The following CDH2 variants were observed in gnomAD, a reference collection of about 807,000 sequenced individuals.
CDH2 encodes the protein cadherin 2.
In CDH2, 17 loss-of-function variants were observed where a neutral mutation model predicts 92.0. The ratio of observed to expected loss-of-function variants is 0.18; its 90% CI spans 0.13 to 0.28. CDH2 has a LOEUF of 0.28. Ranked by LOEUF, CDH2 falls within the 10% of genes least tolerant of loss-of-function variation. The pLI, the probability that CDH2 is intolerant of heterozygous loss-of-function variation, is 1.00. For synonymous variants in CDH2, 419 were observed against 415.9 expected, an observed-to-expected ratio of 1.01 and a Z score of -0.09; for missense variants, 862 against 1,133.1, an observed-to-expected ratio of 0.76 and a Z score of 3.44.
At chr18:28,012,173 G>A (rs1234478379) in intron 3 of CDH2, among the ~76,000 whole-genome samples, 181 bp from the exon 4 acceptor site, 1 of 151,942 alleles carries the variant, frequency 6.6e-6, no homozygotes, top group Non-Finnish European at 1.5e-5. Context: ...AAAATTTTTG[G>A]GTTATACTGT....
intron 2 of CDH2, 81 bp from the exon 3 acceptor site, chr18:28,013,990 C>A (rs1246066868): frequency 4.5e-6 from 4 of 897,792 alleles, no homozygotes; most frequent in Admixed American, 2.4e-5. Context: ...AAACCTATAT[C>A]CTGCTTAGGT....
chr18:27,983,384 T>C (rs1240057597), intron 13 of CDH2, among the ~76,000 whole-genome samples: 2 of 152,218 alleles, frequency 1.3e-5, no homozygotes, highest in Admixed American at 6.5e-5. Flanking sequence ...TAACTTTTTC[T>C]ATCTTCCCTT....
intron 2 of CDH2, among the ~76,000 whole-genome samples, chr18:28,147,393 A>T (rs2016052051): frequency 6.6e-6 from 1 of 152,152 alleles, no homozygotes; most frequent in African/African-American, 2.4e-5. Flanking sequence ...AATAAAATGT[A>T]TACACAAAAA....
chr18:27,984,916 T>G, intron 13 of CDH2, 84 bp downstream of exon 13: 1 of 1,025,646 alleles, frequency 9.7e-7, no homozygotes, highest in Non-Finnish European at 1.5e-6. Flanking sequence ...TAGACTACTT[T>G]GCCAGGCAAT....
intron 2 of CDH2, among the ~76,000 whole-genome samples, chr18:28,094,316 G>GT (rs1490323378): frequency 2.6e-5 from 4 of 151,804 alleles, no homozygotes; most frequent in Non-Finnish European, 5.9e-5. Flanking sequence ...GTGAAACTCT[G>GT]TTTCTACAAA....
intron 15 of CDH2, among the ~76,000 whole-genome samples, chr18:27,953,340 TAAGGATTTAGTATTA>T (rs1043461019): frequency 1.3e-5 from 2 of 152,196 alleles, no homozygotes; most frequent in Non-Finnish European, 2.9e-5. Context: ...GCAAAACTTC[TAAGGATTTAGTATTA>T]GGTCCTCTGG....
Position 28,136,819 on chromosome 18 carries a change from A to G in CDH2, c.172+10854T>C, listed in dbSNP as rs141002456. Among the ~76,000 whole-genome samples the G allele has an allele frequency of 3.1e-3, 471 of 152,298 alleles. 2 individuals carry two copies. The highest frequency in any genetic ancestry group is 0.01 in the African/African-American group (433 of 41,578). ...AAATATCTAAGTATAGTAGAAAATAATCTACCAGAATCACTCGGAATTCAC... is the reference window on the plus strand; with the variant it reads ...AAATATCTAAGTATAGTAGAAAATAGTCTACCAGAATCACTCGGAATTCAC... On this transcript the variant is annotated intron_variant, in intron 2 of 15. Transcript: ENST00000269141.
At chr18:28,014,826 A>G (rs950665358) in intron 2 of CDH2, among the ~76,000 whole-genome samples, 2 of 152,094 alleles carry the variant, frequency 1.3e-5, no homozygotes, top group African/African-American at 4.8e-5. Flanking sequence ...GTAGAACTAG[A>G]CAAATTCAAG....
chr18:28,079,315 G>C (rs2014783388), intron 2 of CDH2, among the ~76,000 whole-genome samples: 1 of 151,958 alleles, frequency 6.6e-6, no homozygotes, highest in Non-Finnish European at 1.5e-5. Flanking sequence ...TAATTTTTAG[G>C]ATGTAATACA....
chr18:28,099,271 C>T (rs2015189039), intron 2 of CDH2, among the ~76,000 whole-genome samples: 1 of 152,088 alleles, frequency 6.6e-6, no homozygotes, highest in Non-Finnish European at 1.5e-5. Flanking sequence ...GTTTGTGATA[C>T]TGAGAGTTAT....
chr18:27,934,078 C>G (rs1908966124), intron 6 of CDH2, among the ~76,000 whole-genome samples: 1 of 152,218 alleles, frequency 6.6e-6, no homozygotes, highest in African/African-American at 2.4e-5. Flanking sequence ...TCTTTTCATT[C>G]TAACAAATAC....
At chr18:28,105,724 A>G (rs1260796603) in intron 2 of CDH2, among the ~76,000 whole-genome samples, 1 of 152,200 alleles carries the variant, frequency 6.6e-6, no homozygotes, top group East Asian at 1.9e-4. Flanking sequence ...AATTCAGAAA[A>G]ATATCCACCC....
intron 1 of CDH2, among the ~76,000 whole-genome samples, chr18:28,149,819 C>T (rs1451837591): frequency 6.6e-6 from 1 of 152,178 alleles, no homozygotes; most frequent in African/African-American, 2.4e-5. Flanking sequence ...ATGTAAAGAT[C>T]CGCATAGACA....
chr18:28,015,881 G>A (rs2013230832), intron 2 of CDH2, among the ~76,000 whole-genome samples: 3 of 152,048 alleles, frequency 2.0e-5, no homozygotes, highest in African/African-American at 7.3e-5. Context: ...CTTAATTCTT[G>A]GGTCACCTGG....
At chr18:28,150,579 C>A (rs185723909) in intron 1 of CDH2, among the ~76,000 whole-genome samples, 1 of 152,122 alleles carries the variant, frequency 6.6e-6, no homozygotes, top group African/African-American at 2.4e-5. Context: ...CAATGTGCTG[C>A]CCCTTACTAA....
intron 2 of CDH2, among the ~76,000 whole-genome samples, chr18:28,131,289 T>C (rs932520228): frequency 3.3e-5 from 5 of 152,170 alleles, no homozygotes; most frequent in African/African-American, 1.2e-4. Flanking sequence ...AATTATCAGA[T>C]AGTAAATATT....
At chr18:28,032,505 T>A (rs1160442005) in intron 2 of CDH2, among the ~76,000 whole-genome samples, 1 of 152,142 alleles carries the variant, frequency 6.6e-6, no homozygotes, top group African/African-American at 2.4e-5. Context: ...TATGTAAATA[T>A]AAAAGTGTAG....
chr18:27,946,374 G>C (rs927379942), downstream of CDH2, among the ~76,000 whole-genome samples: 1 of 151,872 alleles, frequency 6.6e-6, no homozygotes, highest in Non-Finnish European at 1.5e-5. Context: ...CATAACCTAA[G>C]GTATGATACA....
intron 2 of CDH2, among the ~76,000 whole-genome samples, chr18:28,045,973 G>A (rs935977617): frequency 2.4e-4 from 36 of 152,214 alleles, no homozygotes; most frequent in African/African-American, 8.0e-4. Flanking sequence ...ACTGAATACA[G>A]TAACTGTTCA....
Sources: allele counts gnomAD v4.1 joint callset (sites outside exome capture counted in the v4.1 genomes callset), GRCh38; gene constraint gnomAD v4.1.1; transcripts MANE v1.5; gene names NCBI Gene and HGNC (gene_info 2026-07-23, HGNC 2026-07-21).